Variants in MAPKAP1 observed in about 807,000 individuals in gnomAD.
MAPKAP1 encodes target of rapamycin complex 2 subunit MAPKAP1.
Under a neutral mutation model 65.7 loss-of-function variants are expected in MAPKAP1, and 20 were observed. The observed-to-expected ratio is 0.30, with a 90% CI of 0.21 to 0.44. The LOEUF is 0.44. MAPKAP1 is among the 20% of genes least tolerant of loss of function. MAPKAP1 has a pLI of 1.00. For synonymous variants in MAPKAP1, 222 were observed against 244.3 expected (o/e 0.91, Z 0.85); for missense variants, 423 against 648.0 (o/e 0.65, Z 3.77).
chr9:125,482,207 T>TAC (rs1854347976), intron 9 of MAPKAP1, among the ~76,000 whole-genome samples: 1 of 140,044 alleles, frequency 7.1e-6, no homozygotes, highest in African/African-American at 2.6e-5. Flanking sequence ...TGAGTATATA[T>TAC]ACCATGACTT....
At chr9:125,690,589 C>T (rs1037232142) in intron 1 of MAPKAP1, among the ~76,000 whole-genome samples, 2 of 152,216 alleles carry the variant, frequency 1.3e-5, no homozygotes, top group Admixed American at 1.3e-4. Flanking sequence ...TGAATTAATA[C>T]ATGTTATGTG....
intron 8 of MAPKAP1, among the ~76,000 whole-genome samples, chr9:125,491,959 AG>A (rs1854750121): frequency 2.1e-5 from 1 of 48,580 alleles, no homozygotes; most frequent in Non-Finnish European, 4.6e-5. Flanking sequence ...GGGAAGCCAA[AG>A]CGGGAGCACT....
rs1046511140 is a variant in MAPKAP1, at chr9:125,595,469, C to T, written c.499-9742G>A. Reference sequence around the variant, plus strand: ...TGATCCTATTAATTAAAATAATATACATTAGCTGCTTATCATAAAATTAAT... The same window carrying T: ...TGATCCTATTAATTAAAATAATATATATTAGCTGCTTATCATAAAATTAAT... On this transcript the variant is annotated intron_variant, in intron 4 of 11. Coordinates refer to ENST00000265960, the MANE Select transcript of MAPKAP1 (RefSeq NM_001006617.3). The surrounding 1 kb of genome is among the most constrained non-coding windows in gnomAD (Gnocchi z 4.0). The T allele has an allele frequency of 1.7e-5, 17 of 978,812 alleles. No individual in the cohort carries two copies. In the African/African-American group the frequency reaches 2.2e-4, roughly 13 times the overall value. 60.6% of individuals were successfully genotyped at this position (978,812 alleles called of 1,614,324 possible). A position where few individuals can be genotyped will look rare whatever the true frequency, so the allele number is the denominator to read the frequency against.
At chr9:125,678,987 T>C (rs1440681197) in intron 1 of MAPKAP1, among the ~76,000 whole-genome samples, 1 of 139,520 alleles carries the variant, frequency 7.2e-6, no homozygotes, top group Non-Finnish European at 1.5e-5. Flanking sequence ...AAAGTTACAA[T>C]AGTCATAATA....
rs1279429238 is a variant in MAPKAP1, at chr9:125,444,690, G to A, written c.1346-92C>T. 7.2e-6 allele frequency: 6 copies of A among 838,024 alleles called. No homozygotes were observed. The Admixed American group carries it at 1.2e-4, about 16-fold the overall frequency. The allele number at this position is 838,024 out of a possible 1,614,324, so 51.9% of individuals were successfully genotyped here. Reference sequence around the variant, plus strand: ...TCTCCCCTATCATTCCAATTCGAGCGAGAGCAAGTGGAGGCTGAGCAGCAC... The same window carrying A: ...TCTCCCCTATCATTCCAATTCGAGCAAGAGCAAGTGGAGGCTGAGCAGCAC... On this transcript the variant is annotated intron_variant, in intron 10 of 11. Coordinates refer to ENST00000265960, the MANE Select transcript of MAPKAP1 (RefSeq NM_001006617.3).
chr9:125,559,553 A>T, intron 6 of MAPKAP1, 80 bp downstream of exon 6: 6 of 1,342,536 alleles, frequency 4.5e-6, no homozygotes, highest in Non-Finnish European at 6.2e-6. Context: ...CATTTATTTG[A>T]TGAACAAAAC....
In MAPKAP1 at chr9:125,438,126, G is replaced by A. The variant is rs1042802690; in HGVS notation, c.*761C>T. ...GACCATGTCTGGCTGGGAGTGCAGC[G>A]TGCCTGAGGACCAGCCACCGCCCCT... On this transcript the variant is annotated 3_prime_UTR_variant, in exon 12 of 12. Coordinates refer to ENST00000265960, the MANE Select transcript of MAPKAP1 (RefSeq NM_001006617.3). 2.1e-5 allele frequency: 8 copies of A among 380,496 alleles called. No individual in the cohort carries two copies. Among genetic ancestry groups the A allele is most frequent in the Admixed American group, 9.0e-5 (2 of 22,142 alleles). The allele number at this position is 380,496 out of a possible 1,614,324, so 23.6% of individuals were successfully genotyped here.
chr9:125,693,508 CATACACACACATATATACACAT>C (rs1401501053), intron 1 of MAPKAP1, among the ~76,000 whole-genome samples: 1 of 141,342 alleles, frequency 7.1e-6, no homozygotes, highest in Non-Finnish European at 1.5e-5. Context: ...CATATATACA[CATACACACACATATATACACAT>C]ATACACACAC....
At chr9:125,441,470 G>A (rs1852481409) in intron 11 of MAPKAP1, among the ~76,000 whole-genome samples, 1 of 152,200 alleles carries the variant, frequency 6.6e-6, no homozygotes, top group Non-Finnish European at 1.5e-5. Context: ...ATGGACATTA[G>A]ATGTACTGCA....
chr9:125,624,501 G>A (rs1833029948), intron 4 of MAPKAP1, among the ~76,000 whole-genome samples: 1 of 87,956 alleles, frequency 1.1e-5, no homozygotes, highest in Non-Finnish European at 2.6e-5. Flanking sequence ...CTGCCCGGCC[G>A]CCCCTACTGG....
In MAPKAP1 at chr9:125,585,599, G is replaced by A. The variant is rs1212304445; in HGVS notation, c.627C>T (p.Leu209=). Residue 209 remains leucine, a synonymous_variant, in exon 5 of 12, where the codon CTC becomes CTT. Transcript: ENST00000265960. ...CTTCGCTTGTATACTGCCAGCAGAT[G>A]AGCCCGATCAGGTCCTGCACCCTGG... ...ASARVQDLIG[L]ICWQYTSEGR... 1.9e-5 allele frequency: 30 copies of A among 1,614,128 alleles called. No individual in the cohort carries two copies. The highest frequency in any genetic ancestry group is 2.7e-5 in the African/African-American group (2 of 74,940).
intron 4 of MAPKAP1, among the ~76,000 whole-genome samples, chr9:125,629,578 A>G (rs945556107): frequency 1.3e-5 from 2 of 152,216 alleles, no homozygotes; most frequent in African/African-American, 4.8e-5. Context: ...AACTTTTGGA[A>G]ACAAAGTAAA....
chr9:125,679,837 T>C (rs911023404), intron 1 of MAPKAP1, among the ~76,000 whole-genome samples: 1 of 152,162 alleles, frequency 6.6e-6, no homozygotes, highest in Non-Finnish European at 1.5e-5. Context: ...CTCACTTCCC[T>C]CTGATCTCTC....
chr9:125,470,361 T>A (rs1853859872), intron 9 of MAPKAP1, among the ~76,000 whole-genome samples: 1 of 152,198 alleles, frequency 6.6e-6, no homozygotes, highest in Non-Finnish European at 1.5e-5. Flanking sequence ...GTGCTACAAA[T>A]CTGGGTCCAT....
chr9:125,637,806 G>A (rs1054002706), intron 4 of MAPKAP1, among the ~76,000 whole-genome samples: 3 of 152,072 alleles, frequency 2.0e-5, no homozygotes, highest in Admixed American at 6.6e-5. Context: ...ACGGAATCTC[G>A]CTGTTTCCTA....
At chr9:125,585,276 C>A (rs997092735) in intron 5 of MAPKAP1, among the ~76,000 whole-genome samples, 2 of 152,250 alleles carry the variant, frequency 1.3e-5, no homozygotes, top group African/African-American at 4.8e-5. Context: ...CAATCCCCTC[C>A]CGTTCCCTTC....
intron 4 of MAPKAP1, among the ~76,000 whole-genome samples, chr9:125,625,266 A>T (rs369400405): frequency 0.091 from 8,285 of 90,786 alleles, 485 homozygotes; most frequent in Middle Eastern, 0.17. Context: ...AAAAAAAAAA[A>T]AAAAAAAAAA....
chr9:125,447,830 G>C lies in MAPKAP1; in HGVS notation c.1346-3232C>G, dbSNP rs1431224902. ...CTGACACCTCCGCAGTTTTGGAGGAGGGCAGGGAGTCAGCTGGGTAAAGGT... is the reference window on the plus strand; with the variant it reads ...CTGACACCTCCGCAGTTTTGGAGGACGGCAGGGAGTCAGCTGGGTAAAGGT... On this transcript the variant is annotated intron_variant, in intron 10 of 11. Transcript: ENST00000265960. The surrounding 1 kb of genome is among the most constrained non-coding windows in gnomAD (Gnocchi z 4.5). 6.6e-6 allele frequency among the ~76,000 whole-genome samples: 1 copy of C among 152,230 alleles called. No individual in the cohort carries two copies. The highest frequency in any genetic ancestry group is 1.9e-4 in the East Asian group (1 of 5,202).
chr9:125,561,125 T>C (rs190557992), intron 5 of MAPKAP1, among the ~76,000 whole-genome samples: 117 of 152,356 alleles, frequency 7.7e-4, no homozygotes, highest in African/African-American at 2.6e-3. Flanking sequence ...GCAAAGTGTA[T>C]GCTAATTGTT....
Sources: gnomAD v4.1 joint callset for allele counts (sites outside exome capture counted in the v4.1 genomes callset) on GRCh38, gnomAD v4.1.1 for gene constraint, Gnocchi (gnomAD v3.1) non-coding constraint, MANE v1.5 for transcripts, NCBI Gene and HGNC (gene_info 2026-07-23, HGNC 2026-07-21) for gene names.